The following SYNJ2 variants were observed in gnomAD, a reference collection of about 807,000 sequenced individuals.
SYNJ2 encodes polyphosphatidylinositol phosphatase SYNJ2.
A neutral mutation model predicts 141.3 loss-of-function variants in SYNJ2; 116 were observed. That is an observed-to-expected ratio of 0.82 (90% CI 0.71 to 0.96). The LOEUF (loss-of-function observed/expected upper bound fraction) is 0.96. Ranked by LOEUF, SYNJ2 falls within the 40% of genes least tolerant of loss-of-function variation. The probability of loss-of-function intolerance (pLI) is 0.00; values close to 1 mark genes in which losing one functional copy is unlikely to be tolerated. For synonymous variants in SYNJ2, 745 were observed against 777.7 expected (o/e 0.96, Z 0.70); for missense variants, 1,873 against 1,934.8 (o/e 0.97, Z 0.60).
At position 158,017,300 on chromosome 6, in the gene SYNJ2, C is replaced by T. The variant is rs766089789; in HGVS notation, c.214+10C>T. 30 of 1,609,178 alleles carry T rather than the reference C, an allele frequency of 1.9e-5. No homozygotes were observed. Among genetic ancestry groups the T allele is most frequent in the African/African-American group, 8.0e-5 (6 of 74,758 alleles). ...CTGAGGCTGAAATCTGGTGAGTAGC[C>T]GCTCGCTGGAGGAGCAGGCGCCAGG... On this transcript the variant is annotated intron_variant, in intron 2 of 26. Coordinates refer to ENST00000355585, the MANE Select transcript of SYNJ2 (RefSeq NM_003898.4).
chr6:158,017,776 C>G, intron 2 of SYNJ2: 1 of 532,664 alleles, frequency 1.9e-6, no homozygotes, highest in Non-Finnish European at 3.9e-6. Flanking sequence ...CTGCAGGAAC[C>G]TGCAGGTGGG....
At chr6:157,987,520 G>A (rs748169868) in intron 1 of SYNJ2, among the ~76,000 whole-genome samples, 1 of 152,206 alleles carries the variant, frequency 6.6e-6, no homozygotes, top group East Asian at 1.9e-4. Context: ...TCCTGCCTCA[G>A]CCTCCTGAGT....
At chr6:158,095,467 A>G (rs1783740491) in intron 26 of SYNJ2, 151 bp from the exon 27 acceptor site, 3 of 1,024,936 alleles carry the variant, frequency 2.9e-6, no homozygotes, top group East Asian at 2.6e-5. Context: ...ACCTGGTCAC[A>G]TTTCTGGCAC....
chr6:158,059,606 G>C (rs1055130185), intron 7 of SYNJ2: 3 of 1,155,034 alleles, frequency 2.6e-6, no homozygotes, highest in Non-Finnish European at 3.2e-6. Context: ...TCAGGCTGGA[G>C]TGCAGTGGTG....
intron 2 of SYNJ2, among the ~76,000 whole-genome samples, chr6:158,025,882 G>A (rs1283920237): frequency 6.6e-6 from 1 of 151,696 alleles, no homozygotes; most frequent in East Asian, 1.9e-4. Flanking sequence ...AACCTGGGAG[G>A]CAGAGGTTGC....
At chr6:158,023,027 A>G (rs1417431852) in intron 2 of SYNJ2, among the ~76,000 whole-genome samples, 1 of 152,130 alleles carries the variant, frequency 6.6e-6, no homozygotes, top group Admixed American at 6.5e-5. Context: ...AGGCAGGAGG[A>G]TCACTTGAGC....
chr6:158,062,050 A>C lies in SYNJ2; in HGVS notation c.1013A>C (p.His338Pro). 1 of 1,614,150 alleles carries C rather than the reference A, an allele frequency of 6.2e-7. No individual in the cohort carries two copies. The highest frequency in any genetic ancestry group is 8.5e-7 in the Non-Finnish European group (1 of 1,180,038). ...ACGCCTATGATCAATTTTGACTTCC[A>C]TCAGTTTGCCAAAGGTGGGAAGCTA... ...GDTPMINFDF[H>P]QFAKGGKLEK... Residue 338 changes from histidine (H) to proline (P), a missense_variant, in exon 8 of 27, where the codon CAT (histidine) becomes CCT (proline). Transcript: ENST00000355585.
intron 1 of SYNJ2, among the ~76,000 whole-genome samples, chr6:157,999,426 A>G (rs916757623): frequency 7.2e-5 from 11 of 152,116 alleles, no homozygotes; most frequent in African/African-American, 2.2e-4. Context: ...CCTTTTTCCC[A>G]TGGGATGTTT....
chr6:158,095,837 C>T lies in SYNJ2; in HGVS notation c.3964C>T (p.Pro1322Ser), dbSNP rs913123358. 6.2e-7 allele frequency: 1 copy of T among 1,614,028 alleles called. No homozygotes were observed. The highest frequency in any genetic ancestry group is 1.3e-5 in the African/African-American group (1 of 74,930). Reference sequence around the variant, plus strand: ...TGGGGCAGGAGCCTCTGTGCCACCACCTCTGGAGGCGCCGCCTCTTGTGCC... The same window carrying T: ...TGGGGCAGGAGCCTCTGTGCCACCATCTCTGGAGGCGCCGCCTCTTGTGCC... ...PPGAGASVPP[P>S]LEAPPLVPKV... Residue 1322 changes from proline to serine, a missense_variant, in exon 27 of 27, where the codon CCT (proline) becomes TCT (serine). Coordinates refer to ENST00000355585, the MANE Select transcript of SYNJ2 (RefSeq NM_003898.4).
Position 158,076,657 on chromosome 6 carries a change from A to G in SYNJ2, c.2324A>G (p.Asn775Ser), listed in dbSNP as rs763040548. The change falls in exon 17 of 27, where the codon AAC (asparagine) becomes AGC (serine). Residue 775 changes from asparagine to serine, a missense_variant. Coordinates refer to ENST00000355585, the MANE Select transcript of SYNJ2 (RefSeq NM_003898.4). Reference sequence around the variant, plus strand: ...AAGGACTTTCACGAAGGAGCCATTAACTTTGGACCCACCTACAAGTATGAC... The same window carrying G: ...AAGGACTTTCACGAAGGAGCCATTAGCTTTGGACCCACCTACAAGTATGAC... The part of the protein sequence containing the change: ...IFKDFHEGAI[N>S]FGPTYKYDVG... 3 of 1,614,154 alleles carry G rather than the reference A, an allele frequency of 1.9e-6. No homozygotes were observed. The highest frequency in any genetic ancestry group is 1.6e-4 in the Middle Eastern group (1 of 6,062).
chr6:158,027,054 A>G lies in SYNJ2; in HGVS notation c.215-1702A>G. On this transcript the variant is annotated intron_variant, in intron 2 of 26. Coordinates refer to ENST00000355585, the MANE Select transcript of SYNJ2 (RefSeq NM_003898.4). The surrounding 1 kb of genome is among the most constrained non-coding windows in gnomAD (Gnocchi z 4.6). ...CCTGCCCTGCTGGCAGCCCCACCCCATGGCATAGCAGCAGGCCCCTGGGAG... is the reference window on the plus strand; with the variant it reads ...CCTGCCCTGCTGGCAGCCCCACCCCGTGGCATAGCAGCAGGCCCCTGGGAG... 3 of 985,308 alleles carry G rather than the reference A, an allele frequency of 3.0e-6. No homozygotes were observed. The highest frequency in any genetic ancestry group is 3.6e-6 in the Non-Finnish European group (3 of 829,906). The allele number at this position is 985,308 out of a possible 1,614,324, so 61.0% of individuals were successfully genotyped here.
chr6:158,082,487 C>CAAA (rs769884420), intron 20 of SYNJ2, among the ~76,000 whole-genome samples: 3 of 75,292 alleles, frequency 4.0e-5, no homozygotes, highest in Admixed American at 3.1e-4. Flanking sequence ...ACTCTGTCTC[C>CAAA]AAAAAAAAAA....
rs1428020288 is a variant in SYNJ2 at position 158,027,646 on chromosome 6, A to T, written c.215-1110A>T. On this transcript the variant is annotated intron_variant, in intron 2 of 26. Coordinates refer to ENST00000355585, the MANE Select transcript of SYNJ2 (RefSeq NM_003898.4). This position sits in a 1 kb window ranked among gnomAD's most constrained non-coding sequence, Gnocchi z 4.6. ...GTGTGTGTGGTGCTGGGAGATGACG[A>T]CGAAATGGCCCTGCCCCCAAGGAAG... 6.6e-6 allele frequency: 1 copy of T among 152,288 alleles called. No individual in the cohort carries two copies. The highest frequency in any genetic ancestry group is 6.5e-5 in the Admixed American group (1 of 15,278). The allele number at this position is 152,288 out of a possible 1,614,324, so 9.4% of individuals were successfully genotyped here.
At chr6:158,032,204 A>G (rs149612703) in intron 3 of SYNJ2, among the ~76,000 whole-genome samples, 2 of 151,968 alleles carry the variant, frequency 1.3e-5, no homozygotes, top group African/African-American at 2.4e-5. Context: ...GTGGGGGTGC[A>G]TGTGGCTTTG....
chr6:158,088,706 C>T lies in SYNJ2; in HGVS notation c.3390C>T (p.Ser1130=), dbSNP rs765919885. ...KKSASDASIS[S]GTHGQYSILQ... is the part of the protein sequence containing the mutation. ...CGGCTTCAGATGCGTCCATCTCCTC[C>T]GGCACCCATGGACAGTATTCAATTT... Residue 1130 remains serine, a synonymous_variant, in exon 24 of 27, where the codon TCC becomes TCT. Coordinates refer to ENST00000355585, the MANE Select transcript of SYNJ2 (RefSeq NM_003898.4). 8.1e-6 allele frequency: 13 copies of T among 1,614,062 alleles called. No individual in the cohort carries two copies. The highest frequency in any genetic ancestry group is 1.0e-5 in the Non-Finnish European group (12 of 1,180,010).
chr6:158,021,359 A>G (rs1332925403), intron 2 of SYNJ2, among the ~76,000 whole-genome samples: 3 of 152,170 alleles, frequency 2.0e-5, no homozygotes, highest in African/African-American at 7.2e-5. Flanking sequence ...ACCTGGGAAA[A>G]CTGCCTCATC....
Position 158,062,166 on chromosome 6 carries a change from T to A in SYNJ2, c.1127+2T>A. ...AAAGGGGGAGAACGTCAGTCCACGG[T>A]GAGGCTCGCTGCGCACTGTGCCGCG... On this transcript the variant is annotated splice_donor_variant, in intron 8 of 26. Transcript: ENST00000355585. LOFTEE classifies it high-confidence loss of function. 6.2e-7 allele frequency: 1 copy of A among 1,612,378 alleles called. No homozygotes were observed. Among genetic ancestry groups the A allele is most frequent in the Non-Finnish European group, 8.5e-7 (1 of 1,179,350 alleles).
intron 5 of SYNJ2, among the ~76,000 whole-genome samples, chr6:158,044,431 T>C (rs1780125518): frequency 6.6e-6 from 1 of 152,146 alleles, no homozygotes; most frequent in Admixed American, 6.5e-5. Context: ...GGAGGTCTCG[T>C]TTAGGCTCCA....
At chr6:158,035,469 C>T (rs998710008) in intron 4 of SYNJ2, among the ~76,000 whole-genome samples, 1 of 152,100 alleles carries the variant, frequency 6.6e-6, no homozygotes, top group South Asian at 2.1e-4. Flanking sequence ...CCTGATTTGG[C>T]TCTCTGCTTG....
Sources: gnomAD v4.1 joint callset for allele counts (sites outside exome capture counted in the v4.1 genomes callset) on GRCh38, gnomAD v4.1.1 for gene constraint, Gnocchi (gnomAD v3.1) non-coding constraint, MANE v1.5 for transcripts, NCBI Gene and HGNC (gene_info 2026-07-23, HGNC 2026-07-21) for gene names.